RALGAPA2: variants seen among roughly 807,000 people sequenced by gnomAD.
The protein encoded by RALGAPA2 is ral GTPase-activating protein subunit alpha-2.
RALGAPA2 carries 139 observed loss-of-function variants against 230.4 expected under a neutral mutation model. The ratio of observed to expected loss-of-function variants is 0.60; its 90% CI spans 0.53 to 0.69. The LOEUF (loss-of-function observed/expected upper bound fraction) is 0.69, where lower values mean the gene tolerates loss of function less well. Ranked by LOEUF, RALGAPA2 falls within the 30% of genes least tolerant of loss-of-function variation. The pLI, the probability that RALGAPA2 is intolerant of heterozygous loss-of-function variation, is 0.00. For missense variants in RALGAPA2, 2,163 were observed against 2,276.0 expected, an observed-to-expected ratio of 0.95 and a Z score of 1.01; for synonymous variants, 847 against 837.8, an observed-to-expected ratio of 1.01 and a Z score of -0.19.
intron 26 of RALGAPA2, among the ~76,000 whole-genome samples, chr20:20,532,757 C>T (rs1276032584): frequency 1.3e-5 from 2 of 152,092 alleles, no homozygotes; most frequent in Non-Finnish European, 2.9e-5. Flanking sequence ...AGAATAGGCC[C>T]AGCCCTAAGC....
rs1455578986 is a variant in RALGAPA2 at position 20,611,436 on chromosome 20, C to T, written c.1689-10G>A. On this transcript the variant is annotated splice_polypyrimidine_tract_variant and intron_variant, in intron 13 of 39. Transcript: ENST00000202677. Reference sequence around the variant, plus strand: ...TTGCAACATCTGTTCCCTGGGCCACCCAAAATAAAAGCTCATATTAATAAT... The same window carrying T: ...TTGCAACATCTGTTCCCTGGGCCACTCAAAATAAAAGCTCATATTAATAAT... 3 of 1,607,828 alleles carry T rather than the reference C, an allele frequency of 1.9e-6. No homozygotes were observed. In the African/African-American group the frequency reaches 4.0e-5, roughly 21 times the overall value.
Position 20,511,278 on chromosome 20 carries a change from A to T in RALGAPA2, c.4904T>A (p.Leu1635Gln). Residue 1635 changes from leucine (L) to glutamine (Q), a missense_variant, in exon 33 of 40, where the codon CTG (leucine) becomes CAG (glutamine). Transcript: ENST00000202677. ...CCACTGGCGGGAGTCCAAATTTTTC[A>T]GCTCTCTCAATAATTTTGAATTTTT... ...LKKNSKLLRE[L>Q]KNLDSRQCRE... 5 of 1,569,252 alleles carry T rather than the reference A, an allele frequency of 3.2e-6. No homozygotes were observed. The highest frequency in any genetic ancestry group is 4.3e-6 in the Non-Finnish European group (5 of 1,156,158).
intron 35 of RALGAPA2, among the ~76,000 whole-genome samples, chr20:20,499,748 A>C (rs571646185): frequency 1.3e-5 from 2 of 152,322 alleles, no homozygotes; most frequent in Non-Finnish European, 2.9e-5. Flanking sequence ...TTGAACGCAA[A>C]TTGTACTTTC....
At chr20:20,672,853 T>C (rs921447799) in intron 3 of RALGAPA2, among the ~76,000 whole-genome samples, 2 of 152,184 alleles carry the variant, frequency 1.3e-5, no homozygotes, top group Admixed American at 6.5e-5. Context: ...AACTAGATAT[T>C]TTGTAATTAA....
chr20:20,519,660 C>T (rs1391544777), intron 31 of RALGAPA2, among the ~76,000 whole-genome samples: 5 of 152,216 alleles, frequency 3.3e-5, no homozygotes, highest in Admixed American at 3.3e-4. Context: ...CCTTTCTCAA[C>T]TTCTTATTTG....
intron 20 of RALGAPA2, among the ~76,000 whole-genome samples, chr20:20,576,320 T>A (rs921272990): frequency 6.6e-6 from 1 of 152,110 alleles, no homozygotes; most frequent in Admixed American, 6.6e-5. Context: ...CAGGATCTCA[T>A]CCAGGATATC....
At chr20:20,540,663 T>C (rs918371256) in intron 24 of RALGAPA2, among the ~76,000 whole-genome samples, 1 of 152,214 alleles carries the variant, frequency 6.6e-6, no homozygotes, top group African/African-American at 2.4e-5. Flanking sequence ...TATTTTCCCA[T>C]CTTGGCAACA....
Position 20,522,699 on chromosome 20 carries a change from G to A in RALGAPA2, c.3901-1599C>T, listed in dbSNP as rs1244131093. Among the ~76,000 whole-genome samples the A allele has an allele frequency of 2.0e-5, 3 of 152,124 alleles. No individual in the cohort carries two copies. In the East Asian group the frequency reaches 5.8e-4, roughly 29 times the overall value. On this transcript the variant is annotated intron_variant, in intron 30 of 39. Coordinates refer to ENST00000202677, the MANE Select transcript of RALGAPA2 (RefSeq NM_020343.4). ...CACTTACAGACTGATGCAGTTTTCT[G>A]GAAGCATATTATACTTCAATAAAAA...
chr20:20,649,076 T>A (rs1396459049), intron 4 of RALGAPA2, among the ~76,000 whole-genome samples: 1 of 152,058 alleles, frequency 6.6e-6, no homozygotes, highest in East Asian at 1.9e-4. Flanking sequence ...TGAGAGGGCA[T>A]GGAAAAACAC....
Position 20,513,140 on chromosome 20 carries a change from T to G in RALGAPA2, c.4229A>C (p.His1410Pro). The G allele has an allele frequency of 6.4e-7, 1 of 1,563,450 alleles. No homozygotes were observed. The highest frequency in any genetic ancestry group is 8.6e-7 in the Non-Finnish European group (1 of 1,158,316). Residue 1410 changes from histidine to proline, a missense_variant, in exon 32 of 40, where the codon CAT becomes CCT. By Grantham distance (77) the His-to-Pro change is moderately conservative. Coordinates refer to ENST00000202677, the MANE Select transcript of RALGAPA2 (RefSeq NM_020343.4). The part of the protein sequence containing the change: ...SLVSENHDNA[H>P]VEGSELSFEV... ...AAAGGACAGCTCGGAGCCTTCCACA[T>G]GGGCATTGTCATGGTTCTCGCTGAC...
At position 20,437,375 on chromosome 20, in the gene RALGAPA2, C is replaced by T. The variant is rs1459472160; in HGVS notation, c.5496-25227G>A. ...CATCCAGGCCACGCCATTGTCATTT[C>T]GTTCCTGGATTATGGCTGTGGCCTC... On this transcript the variant is annotated intron_variant, in intron 37 of 39. Coordinates refer to ENST00000202677, the MANE Select transcript of RALGAPA2 (RefSeq NM_020343.4). This position sits in a 1 kb window ranked among gnomAD's most constrained non-coding sequence, Gnocchi z 4.1. Among the ~76,000 whole-genome samples the T allele has an allele frequency of 1.3e-5, 2 of 152,206 alleles. No individual in the cohort carries two copies. The highest frequency in any genetic ancestry group is 1.5e-5 in the Non-Finnish European group (1 of 68,036).
rs116702034 is a variant in RALGAPA2 at position 20,539,252 on chromosome 20, G to T, written c.3286-2468C>A. On this transcript the variant is annotated intron_variant, in intron 24 of 39. Transcript: ENST00000202677. ...TACCTAGCAGGGGTACTTCAAACTG[G>T]TAATTACCTTGTGCTAACTGAAAAT... Among the ~76,000 whole-genome samples the T allele has an allele frequency of 7.3e-3, 1,115 of 152,196 alleles. 11 individuals are homozygous for T. Among genetic ancestry groups the T allele is most frequent in the African/African-American group, 0.026 (1,069 of 41,524 alleles).
chr20:20,400,794 A>AACAGCC (rs1340000549), intron 38 of RALGAPA2, among the ~76,000 whole-genome samples: 14 of 152,244 alleles, frequency 9.2e-5, no homozygotes, highest in Non-Finnish European at 1.5e-4. Context: ...ATGTCCATCA[A>AACAGCC]CTGGTGAATG....
chr20:20,641,582 C>T (rs2067032261), intron 5 of RALGAPA2, among the ~76,000 whole-genome samples: 1 of 151,964 alleles, frequency 6.6e-6, no homozygotes, highest in Admixed American at 6.6e-5. Flanking sequence ...TTTCTTTACA[C>T]TTCAAATTTA....
intron 16 of RALGAPA2, among the ~76,000 whole-genome samples, chr20:20,592,312 G>A (rs373236903): frequency 6.6e-6 from 1 of 152,038 alleles, no homozygotes; most frequent in African/African-American, 2.4e-5. Context: ...TGATCTCACG[G>A]GACATACTGA....
intron 1 of RALGAPA2, among the ~76,000 whole-genome samples, chr20:20,685,135 A>G (rs979049768): frequency 6.6e-6 from 1 of 152,124 alleles, no homozygotes; most frequent in African/African-American, 2.4e-5. Flanking sequence ...TTAAAAAAAA[A>G]AAAAGACAAC....
chr20:20,441,373 C>T (rs999769452), intron 37 of RALGAPA2, among the ~76,000 whole-genome samples: 6 of 152,120 alleles, frequency 3.9e-5, no homozygotes, highest in Admixed American at 1.3e-4. Flanking sequence ...GGAAGGTGAC[C>T]GGGATGAGGT....
At chr20:20,545,165 AGTT>A (rs2063747605) in intron 24 of RALGAPA2, among the ~76,000 whole-genome samples, 1 of 152,206 alleles carries the variant, frequency 6.6e-6, no homozygotes, top group Non-Finnish European at 1.5e-5. Context: ...AAGTATGAAA[AGTT>A]GTCATAATTA....
At chr20:20,421,392 C>T (rs758364300) in intron 37 of RALGAPA2, among the ~76,000 whole-genome samples, 1 of 152,164 alleles carries the variant, frequency 6.6e-6, no homozygotes, top group Non-Finnish European at 1.5e-5. Context: ...GGCCACAGGC[C>T]AGGCGCAGTG....
Sources: gnomAD v4.1 joint callset for allele counts (sites outside exome capture counted in the v4.1 genomes callset) on GRCh38, gnomAD v4.1.1 for gene constraint, Gnocchi (gnomAD v3.1) non-coding constraint, MANE v1.5 for transcripts, NCBI Gene and HGNC (gene_info 2026-07-23, HGNC 2026-07-21) for gene names.